The following BIRC6 variants were observed in gnomAD, a reference collection of about 807,000 sequenced individuals.
The protein encoded by BIRC6 is dual E2 ubiquitin-conjugating enzyme/E3 ubiquitin-protein ligase BIRC6.
Under a neutral mutation model 503.3 loss-of-function variants are expected in BIRC6, and 98 were observed. The observed-to-expected ratio is 0.19, with a 90% CI of 0.17 to 0.23. The LOEUF (loss-of-function observed/expected upper bound fraction) is 0.23. BIRC6 is among the 10% of genes least tolerant of loss of function. The pLI is 1.00. For missense variants in BIRC6, 5,360 were observed against 5,806.0 expected, an observed-to-expected ratio of 0.92 and a Z score of 2.50; for synonymous variants, 2,240 against 2,078.7, an observed-to-expected ratio of 1.08 and a Z score of -2.11.
chr2:32,526,392 C>G (rs1176008060), intron 59 of BIRC6: 2 of 152,068 alleles, frequency 1.3e-5, no homozygotes, highest in Non-Finnish European at 2.9e-5. Flanking sequence ...TTTTTTTGCT[C>G]TGTGGTGTTG....
chr2:32,587,931 A>G lies in BIRC6; in HGVS notation c.13356-5984A>G, dbSNP rs550089848. On this transcript the variant is annotated intron_variant, in intron 66 of 73. Coordinates refer to ENST00000421745, the MANE Select transcript of BIRC6 (RefSeq NM_016252.4). ...AGTATTCTAGTCACGTCTAATTACTAGATTACCAAACTAAACTGAGACTCA... is the reference window on the plus strand; with the variant it reads ...AGTATTCTAGTCACGTCTAATTACTGGATTACCAAACTAAACTGAGACTCA... 9.1e-4 allele frequency among the ~76,000 whole-genome samples: 138 copies of G among 152,324 alleles called. No homozygotes were observed. The South Asian group carries it at 0.012, about 13-fold the overall frequency.
chr2:32,430,084 CTT>C (rs2043929969), intron 11 of BIRC6, among the ~76,000 whole-genome samples: 1 of 152,038 alleles, frequency 6.6e-6, no homozygotes, highest in African/African-American at 2.4e-5. Flanking sequence ...AGGGTCTAGA[CTT>C]TGAGAAAAAG....
intron 65 of BIRC6, among the ~76,000 whole-genome samples, chr2:32,574,019 A>T (rs2060089373): frequency 6.6e-6 from 1 of 152,076 alleles, no homozygotes; most frequent in Non-Finnish European, 1.5e-5. Context: ...AGTGCCTATT[A>T]TTATAGTTTG....
intron 1 of BIRC6, among the ~76,000 whole-genome samples, chr2:32,359,365 G>A (rs1373077639): frequency 1.3e-5 from 2 of 152,212 alleles, no homozygotes; most frequent in African/African-American, 4.8e-5. Context: ...TGTGTGTCAG[G>A]ATTTGTTGGT....
intron 66 of BIRC6, among the ~76,000 whole-genome samples, chr2:32,586,267 T>A (rs1427400084): frequency 6.6e-6 from 1 of 150,636 alleles, no homozygotes; most frequent in African/African-American, 2.4e-5. Flanking sequence ...AAAAACAACT[T>A]AAAAAAAAAT....
chr2:32,463,417 C>A (rs1199288605), intron 24 of BIRC6, 36 bp downstream of exon 24: 1 of 1,526,654 alleles, frequency 6.6e-7, no homozygotes, highest in Non-Finnish European at 8.8e-7. Context: ...CATGCTGTCT[C>A]TAAACTTCAA....
chr2:32,544,652 A>G (rs774351503), intron 62 of BIRC6, among the ~76,000 whole-genome samples: 5 of 151,876 alleles, frequency 3.3e-5, no homozygotes, highest in Non-Finnish European at 7.4e-5. Context: ...ACTACAAAGT[A>G]TATTTAATCT....
intron 15 of BIRC6, 93 bp downstream of exon 15, chr2:32,436,277 T>C (rs1008662037): frequency 3.5e-6 from 4 of 1,157,576 alleles, no homozygotes; most frequent in Admixed American, 7.7e-5. Flanking sequence ...TAAGATTGTT[T>C]TCTTTGGGAC....
At position 32,548,051 on chromosome 2, in the gene BIRC6, C is replaced by CT. The variant is rs202071914; in HGVS notation, c.12975+46dup. Reference sequence around the variant, plus strand: ...AACTTGATATTGTTCATGATAATGGCTTTTTTTTTGTATTTATTATTTTAA... The same window carrying CT: ...AACTTGATATTGTTCATGATAATGGCTTTTTTTTTTGTATTTATTATTTTAA... On this transcript the variant is annotated intron_variant, in intron 64 of 73. Coordinates refer to ENST00000421745, the MANE Select transcript of BIRC6 (RefSeq NM_016252.4). The CT allele has an allele frequency of 7.8e-3, 11,523 of 1,481,790 alleles. 53 individuals are homozygous for CT. Among genetic ancestry groups the CT allele is most frequent in the Middle Eastern group, 0.027 (139 of 5,220 alleles). 91.8% of individuals were successfully genotyped at this position (1,481,790 alleles called of 1,614,324 possible).
At chr2:32,416,285 T>C in intron 10 of BIRC6, 122 bp downstream of exon 10, 2 of 1,028,116 alleles carry the variant, frequency 1.9e-6, no homozygotes, top group Non-Finnish European at 2.8e-6. Flanking sequence ...TTTTTTGTAA[T>C]GAAGTGGTAA....
chr2:32,589,000 T>C (rs867131590), intron 66 of BIRC6, among the ~76,000 whole-genome samples: 2 of 152,180 alleles, frequency 1.3e-5, no homozygotes, highest in Non-Finnish European at 2.9e-5. Flanking sequence ...TGAATAAATA[T>C]GGTATTTCAT....
intron 65 of BIRC6, among the ~76,000 whole-genome samples, chr2:32,568,529 A>C (rs113603929): frequency 0.033 from 4,978 of 151,058 alleles, 174 homozygotes; most frequent in African/African-American, 0.096. Flanking sequence ...ATAAATATTA[A>C]TGTAAAGTTA....
intron 65 of BIRC6, among the ~76,000 whole-genome samples, chr2:32,550,355 G>A (rs758956343): frequency 3.9e-5 from 6 of 152,182 alleles, no homozygotes; most frequent in African/African-American, 7.2e-5. Flanking sequence ...ATTATTGCCC[G>A]TATTCCCCAG....
At chr2:32,451,788 A>G (rs1273306643) in intron 22 of BIRC6, among the ~76,000 whole-genome samples, 1 of 152,216 alleles carries the variant, frequency 6.6e-6, no homozygotes. Context: ...TGAAAAGTGA[A>G]TGAGAAACAT....
rs371138775 is a variant in BIRC6, at chr2:32,617,743, C to G, written c.14413C>G (p.Arg4805Gly). The change falls in exon 74 of 74, where the codon CGC becomes GGC. Residue 4805 changes from arginine to glycine, a missense_variant. This residue lies in a region of BIRC6 where 140 missense variants were observed against 130.2 expected (regional missense o/e 1.07). Transcript: ENST00000421745. ...AALKRHTAQL[R>G]EELLKLPCPE... is the part of the protein sequence containing the mutation. ...TGCATAGCGTCACACTGCTCAGCTC[C>G]GCGAAGAGTTGCTGAAACTTCCCTG... is the stretch of plus-strand genomic sequence containing the variant. 1.9e-6 allele frequency: 3 copies of G among 1,613,924 alleles called. No individual in the cohort carries two copies. Among genetic ancestry groups the G allele is most frequent in the Non-Finnish European group, 2.5e-6 (3 of 1,179,868 alleles).
rs756856720 is a variant in BIRC6 at position 32,448,862 on chromosome 2, A to C, written c.4552A>C (p.Lys1518Gln). 4 of 1,613,568 alleles carry C rather than the reference A, an allele frequency of 2.5e-6. No homozygotes were observed. The East Asian group carries it at 8.9e-5, about 36-fold the overall frequency. ...TTTGGAGATGAGTGGCTCTTCTTGT[A>C]AAAATGTTTATAACAGCAGCATTGG... ...FDLEMSGSSC[K>Q]NVYNSSIGVQ... The change falls in exon 22 of 74, where the codon AAA becomes CAA. Residue 1518 changes from lysine (K) to glutamine (Q), a missense_variant. Lys to Gln is a moderately conservative substitution (Grantham distance 53). This residue lies in a region of BIRC6 where 2,299 missense variants were observed against 2,267.2 expected (regional missense o/e 1.01). Coordinates refer to ENST00000421745, the MANE Select transcript of BIRC6 (RefSeq NM_016252.4).
chr2:32,588,134 A>G (rs1248323586), intron 66 of BIRC6, among the ~76,000 whole-genome samples: 1 of 152,174 alleles, frequency 6.6e-6, no homozygotes, highest in African/African-American at 2.4e-5. Flanking sequence ...CAGGTGGATC[A>G]CATGAGGTCA....
chr2:32,382,847 C>G (rs1256209313), intron 3 of BIRC6, among the ~76,000 whole-genome samples: 1 of 151,780 alleles, frequency 6.6e-6, no homozygotes, highest in Non-Finnish European at 1.5e-5. Flanking sequence ...CCTCAGCCTC[C>G]TGAGTAGCTG....
intron 25 of BIRC6, 105 bp from the exon 26 acceptor site, chr2:32,464,960 A>G: frequency 7.6e-7 from 1 of 1,322,492 alleles, no homozygotes; most frequent in South Asian, 1.5e-5. Context: ...TACAGTACAT[A>G]CATTAAGAGA....
Sources: gnomAD v4.1 joint callset for allele counts (sites outside exome capture counted in the v4.1 genomes callset) on GRCh38, gnomAD v4.1.1 for gene constraint, gnomAD v4.1.1 regional missense constraint, MANE v1.5 for transcripts, NCBI Gene and HGNC (gene_info 2026-07-23, HGNC 2026-07-21) for gene names.